Variants in FGF12 observed in about 807,000 individuals in gnomAD.
FGF12 encodes fibroblast growth factor 12.
Under a neutral mutation model 23.6 loss-of-function variants are expected in FGF12, and 14 were observed. The ratio of observed to expected loss-of-function variants is 0.59; its 90% CI spans 0.39 to 0.93. The LOEUF is 0.93. FGF12 is among the 40% of genes least tolerant of loss of function. The pLI is 0.00. For synonymous variants in FGF12, 62 were observed against 77.3 expected, an observed-to-expected ratio of 0.80 and a Z score of 1.04; for missense variants, 175 against 217.8, an observed-to-expected ratio of 0.80 and a Z score of 1.24.
At chr3:192,406,988 C>T (rs1483507145) in intron 2 of FGF12, among the ~76,000 whole-genome samples, 2 of 152,180 alleles carry the variant, frequency 1.3e-5, no homozygotes, top group Non-Finnish European at 2.9e-5. Context: ...AGAGTATCTG[C>T]AGAATGCAAA....
chr3:192,209,501 G>A (rs1290748140), intron 4 of FGF12, among the ~76,000 whole-genome samples: 3 of 152,082 alleles, frequency 2.0e-5, no homozygotes, highest in Admixed American at 2.0e-4. Context: ...AGCTGACACA[G>A]GTTATATCAA....
chr3:192,210,576 C>A (rs1012470284), intron 4 of FGF12, among the ~76,000 whole-genome samples: 2 of 152,188 alleles, frequency 1.3e-5, no homozygotes, highest in Non-Finnish European at 2.9e-5. Flanking sequence ...GAAAGTTACA[C>A]AGTAACCTAG....
chr3:192,709,960 T>C (rs1235404644), intron 2 of FGF12, among the ~76,000 whole-genome samples: 3 of 152,222 alleles, frequency 2.0e-5, no homozygotes, highest in Non-Finnish European at 4.4e-5. Flanking sequence ...AGGCTATGTG[T>C]CCAATGTATG....
Position 192,511,222 on chromosome 3 carries a change from T to TACACACAC in FGF12, c.14-150692_14-150685dup, listed in dbSNP as rs5855433. ...AGGCAAGCAAGGAAGCAATTGTGTG[T>TACACACAC]ACACACACACACACACACACACACA... is the stretch of plus-strand genomic sequence containing the variant. On this transcript the variant is annotated intron_variant, in intron 2 of 5. Coordinates refer to ENST00000445105, the MANE Select transcript of FGF12 (RefSeq NM_004113.6). Among the ~76,000 whole-genome samples, 487 of 149,666 alleles carry TACACACAC rather than the reference T, an allele frequency of 3.3e-3. 3 individuals carry two copies. Among genetic ancestry groups the TACACACAC allele is most frequent in the African/African-American group, 9.8e-3 (399 of 40,724 alleles).
At chr3:192,678,922 G>A (rs1356064723) in intron 2 of FGF12, among the ~76,000 whole-genome samples, 1 of 152,100 alleles carries the variant, frequency 6.6e-6, no homozygotes, top group East Asian at 1.9e-4. Context: ...GTCCCCTGAA[G>A]ACCTTGCTGG....
At chr3:192,188,128 A>C (rs150844098) in intron 4 of FGF12, among the ~76,000 whole-genome samples, 1 of 152,346 alleles carries the variant, frequency 6.6e-6, no homozygotes, top group East Asian at 1.9e-4. Flanking sequence ...TCAATTTATA[A>C]TATTCTAATA....
At chr3:192,268,175 T>C (rs1266134661) in intron 4 of FGF12, among the ~76,000 whole-genome samples, 3 of 152,192 alleles carry the variant, frequency 2.0e-5, no homozygotes, top group Non-Finnish European at 4.4e-5. Flanking sequence ...TTTTGCATCA[T>C]AGGCTAGAGG....
chr3:192,244,120 T>C (rs537759907), intron 4 of FGF12, among the ~76,000 whole-genome samples: 7 of 152,162 alleles, frequency 4.6e-5, no homozygotes, highest in African/African-American at 1.2e-4. Context: ...TATTTCTTTA[T>C]TGAGTGTAAA....
chr3:192,192,563 G>C (rs1341957151), intron 4 of FGF12, among the ~76,000 whole-genome samples: 1 of 150,554 alleles, frequency 6.6e-6, no homozygotes, highest in East Asian at 1.9e-4. Context: ...CTTCGCACTT[G>C]AAACAGGTTT....
At chr3:192,577,220 A>T (rs924275617) in intron 2 of FGF12, among the ~76,000 whole-genome samples, 8 of 152,188 alleles carry the variant, frequency 5.3e-5, no homozygotes, top group Non-Finnish European at 8.8e-5. Context: ...ATAAATAAAT[A>T]AATAATACTA....
intron 2 of FGF12, among the ~76,000 whole-genome samples, chr3:192,463,139 C>T (rs999399441): frequency 1.8e-4 from 27 of 152,132 alleles, no homozygotes; most frequent in African/African-American, 6.0e-4. Flanking sequence ...TTGTTGTTGG[C>T]AGGGTGCGGT....
At chr3:192,352,731 C>T (rs192463173) in intron 3 of FGF12, among the ~76,000 whole-genome samples, 9 of 152,294 alleles carry the variant, frequency 5.9e-5, no homozygotes, top group Admixed American at 5.9e-4. Flanking sequence ...AACTACACAA[C>T]AGCCCTATGA....
chr3:192,563,898 G>C (rs1264103955), intron 2 of FGF12, among the ~76,000 whole-genome samples: 1 of 152,184 alleles, frequency 6.6e-6, no homozygotes, highest in African/African-American at 2.4e-5. Context: ...TCAAGCCTAA[G>C]AAAAGTGTAT....
intron 2 of FGF12, among the ~76,000 whole-genome samples, chr3:192,616,407 A>G (rs1183858564): frequency 6.6e-6 from 1 of 152,060 alleles, no homozygotes; most frequent in African/African-American, 2.4e-5. Context: ...TCAACTTATA[A>G]AAGCCTCAGC....
At chr3:192,401,269 G>T (rs1560100241) in intron 2 of FGF12, among the ~76,000 whole-genome samples, 1 of 152,252 alleles carries the variant, frequency 6.6e-6, no homozygotes, top group Non-Finnish European at 1.5e-5. Flanking sequence ...ATATCTTATT[G>T]TGGATGAAGT....
intron 4 of FGF12, among the ~76,000 whole-genome samples, chr3:192,300,627 T>C (rs1715289299): frequency 6.6e-6 from 1 of 151,668 alleles, no homozygotes; most frequent in Non-Finnish European, 1.5e-5. Context: ...ATGTTATGTA[T>C]TTTTTTATAT....
chr3:192,538,621 C>A (rs1725291556), intron 2 of FGF12, among the ~76,000 whole-genome samples: 1 of 152,040 alleles, frequency 6.6e-6, no homozygotes, highest in Admixed American at 6.5e-5. Context: ...TTTCCTGGGT[C>A]TTTTGCAGTT....
chr3:192,338,881 C>T (rs1717550369), intron 3 of FGF12, among the ~76,000 whole-genome samples: 4 of 152,180 alleles, frequency 2.6e-5, no homozygotes, highest in South Asian at 2.1e-4. Context: ...TACTGGAAAA[C>T]GATTAAGTTC....
At chr3:192,690,679 A>T (rs1577123626) in intron 2 of FGF12, among the ~76,000 whole-genome samples, 1 of 151,918 alleles carries the variant, frequency 6.6e-6, no homozygotes, top group East Asian at 1.9e-4. Flanking sequence ...GATTAATGAA[A>T]TATCAATAGT....
Sources: allele counts gnomAD v4.1 joint callset (sites outside exome capture counted in the v4.1 genomes callset), GRCh38; gene constraint gnomAD v4.1.1; transcripts MANE v1.5; gene names NCBI Gene and HGNC (gene_info 2026-07-23, HGNC 2026-07-21).